EPHB1: variants seen among roughly 807,000 people sequenced by gnomAD.
EPHB1 encodes EPH receptor B1, also known as ephrin type-B receptor 1.
EPHB1 carries 30 observed loss-of-function variants against 94.4 expected under a neutral mutation model. That is an observed-to-expected ratio of 0.32 (90% confidence interval 0.24 to 0.43). The LOEUF is 0.43. Among genes scored for constraint, EPHB1 ranks in the 20% least tolerant of loss-of-function variants. The pLI, the probability that EPHB1 is intolerant of heterozygous loss-of-function variation, is 1.00. For missense variants in EPHB1, 1,055 were observed against 1,308.3 expected (o/e 0.81, Z 2.99); for synonymous variants, 522 against 489.1 (o/e 1.07, Z -0.89).
intron 3 of EPHB1, among the ~76,000 whole-genome samples, chr3:135,038,621 G>A (rs1054459739): frequency 5.3e-5 from 8 of 152,190 alleles, no homozygotes; most frequent in African/African-American, 1.7e-4. Context: ...GAGTGTTACA[G>A]CTCTTAAGGT....
intron 15 of EPHB1, among the ~76,000 whole-genome samples, chr3:135,256,658 C>T (rs901414604): frequency 6.6e-6 from 1 of 152,160 alleles, no homozygotes; most frequent in Non-Finnish European, 1.5e-5. Context: ...AACATTTTTT[C>T]CTGCATTTCA....
chr3:135,219,042 C>T (rs1481823121), intron 12 of EPHB1, among the ~76,000 whole-genome samples: 3 of 152,110 alleles, frequency 2.0e-5, no homozygotes, highest in African/African-American at 7.2e-5. Context: ...AGCTCAAGCA[C>T]AGGTGGGGGA....
intron 3 of EPHB1, among the ~76,000 whole-genome samples, chr3:135,022,554 AT>A (rs1160502010): frequency 6.6e-6 from 1 of 152,150 alleles, no homozygotes; most frequent in Non-Finnish European, 1.5e-5. Context: ...TGTCCTTATA[AT>A]TGACCTCTTA....
At chr3:135,151,445 C>A (rs1191475287) in intron 5 of EPHB1, among the ~76,000 whole-genome samples, 1 of 152,146 alleles carries the variant, frequency 6.6e-6, no homozygotes, top group African/African-American at 2.4e-5. Flanking sequence ...TCTCAGGCAG[C>A]CTTCCCTGAT....
chr3:135,163,169 C>A lies in EPHB1; in HGVS notation c.1585+989C>A, dbSNP rs570691515. On this transcript the variant is annotated intron_variant, in intron 7 of 15. Coordinates refer to ENST00000398015, the MANE Select transcript of EPHB1 (RefSeq NM_004441.5). ...TAGGGCTTGAGATTTTATCTTGATG[C>A]ACATTGTATTTTTTAACAATTTTGA... 2.0e-5 allele frequency among the ~76,000 whole-genome samples: 3 copies of A among 152,274 alleles called. No individual in the cohort carries two copies. In the East Asian group the frequency reaches 5.8e-4, roughly 29 times the overall value.
chr3:135,258,842 G>T (rs1453270729), intron 15 of EPHB1, among the ~76,000 whole-genome samples, 170 bp from the exon 16 acceptor site: 1 of 152,196 alleles, frequency 6.6e-6, no homozygotes. Context: ...AGGAGAAAGT[G>T]AGCAGGAAAA....
intron 3 of EPHB1, among the ~76,000 whole-genome samples, chr3:135,048,238 C>T (rs76681754): frequency 0.01 from 740 of 71,340 alleles, no homozygotes; most frequent in Middle Eastern, 0.028. Flanking sequence ...TTTTTTTTTT[C>T]TTTTTCTTTC....
intron 1 of EPHB1, among the ~76,000 whole-genome samples, chr3:134,825,412 A>G (rs2036459579): frequency 6.6e-6 from 1 of 152,230 alleles, no homozygotes; most frequent in Admixed American, 6.5e-5. Context: ...CATCCCAGCA[A>G]TTGAGATTGA....
intron 2 of EPHB1, among the ~76,000 whole-genome samples, chr3:134,944,507 C>T (rs2039180083): frequency 6.6e-6 from 1 of 152,156 alleles, no homozygotes; most frequent in African/African-American, 2.4e-5. Flanking sequence ...TGTCCTATAC[C>T]TTATTTTCTT....
chr3:134,969,036 C>G (rs1215801149), intron 3 of EPHB1, among the ~76,000 whole-genome samples: 1 of 152,176 alleles, frequency 6.6e-6, no homozygotes, highest in Non-Finnish European at 1.5e-5. Context: ...AGGGCAAATA[C>G]CCAGGCAAGC....
At chr3:135,129,715 A>G (rs1940352794) in intron 4 of EPHB1, among the ~76,000 whole-genome samples, 1 of 152,220 alleles carries the variant, frequency 6.6e-6, no homozygotes, top group South Asian at 2.1e-4. Context: ...TGAGCTATGG[A>G]AGCCCAGATA....
At chr3:134,962,645 A>G (rs1439695013) in intron 3 of EPHB1, among the ~76,000 whole-genome samples, 3 of 151,850 alleles carry the variant, frequency 2.0e-5, no homozygotes, top group African/African-American at 7.3e-5. Flanking sequence ...GCCCTGCCGC[A>G]TGCATCTCTC....
At chr3:135,165,232 T>G (rs920489539) in intron 7 of EPHB1, among the ~76,000 whole-genome samples, 2 of 152,206 alleles carry the variant, frequency 1.3e-5, no homozygotes, top group Admixed American at 1.3e-4. Context: ...GAAATGTGCT[T>G]CATATGATTT....
intron 2 of EPHB1, among the ~76,000 whole-genome samples, chr3:134,936,314 C>T (rs973500333): frequency 3.3e-5 from 5 of 151,966 alleles, no homozygotes; most frequent in Admixed American, 3.3e-4. Context: ...GGTTGGGGGA[C>T]CAAAGAGCAG....
intron 1 of EPHB1, among the ~76,000 whole-genome samples, chr3:134,813,578 C>A (rs897131294): frequency 9.9e-5 from 15 of 152,218 alleles, no homozygotes; most frequent in Admixed American, 6.5e-4. Context: ...TTTGATAGGA[C>A]ACTGTGAGTG....
intron 3 of EPHB1, among the ~76,000 whole-genome samples, chr3:135,038,737 G>A (rs538759221): frequency 6.6e-6 from 1 of 151,960 alleles, no homozygotes; most frequent in African/African-American, 2.4e-5. Flanking sequence ...GCAGACCTTC[G>A]CGGTGAGTGT....
At chr3:135,123,101 G>A (rs1393347386) in intron 4 of EPHB1, among the ~76,000 whole-genome samples, 1 of 152,152 alleles carries the variant, frequency 6.6e-6, no homozygotes, top group East Asian at 1.9e-4. Context: ...ACAGCATTAG[G>A]TGCCTCTACC....
intron 3 of EPHB1, among the ~76,000 whole-genome samples, chr3:135,076,120 T>A (rs558131442): frequency 2.8e-4 from 43 of 152,154 alleles, no homozygotes; most frequent in African/African-American, 9.2e-4. Flanking sequence ...TAGGAAAATG[T>A]TTTGACCTTA....
At chr3:135,198,507 A>G (rs558778773) in intron 11 of EPHB1, among the ~76,000 whole-genome samples, 4 of 152,114 alleles carry the variant, frequency 2.6e-5, no homozygotes, top group Non-Finnish European at 5.9e-5. Flanking sequence ...ATCTCCTACA[A>G]TTACAGGTGC....
Sources: gnomAD v4.1 joint callset for allele counts (sites outside exome capture counted in the v4.1 genomes callset) on GRCh38, gnomAD v4.1.1 for gene constraint, MANE v1.5 for transcripts, NCBI Gene and HGNC (gene_info 2026-07-23, HGNC 2026-07-21) for gene names.